The following NCK1 variants were observed in gnomAD, a reference collection of about 807,000 sequenced individuals.
NCK1 encodes the protein SH2/SH3 adapter protein NCK1.
A neutral mutation model predicts 36.6 loss-of-function variants in NCK1; 19 were observed. That is an observed-to-expected ratio of 0.52 (90% CI 0.36 to 0.76). The LOEUF is 0.76. Ranked by LOEUF, NCK1 falls within the 30% of genes least tolerant of loss-of-function variation. The pLI is 0.00. For missense variants in NCK1, 358 were observed against 445.6 expected (o/e 0.80, Z 1.77); for synonymous variants, 165 against 156.0 (o/e 1.06, Z -0.43).
rs1007197278 is a variant in NCK1, at chr3:136,945,793, G to T, written c.437G>T (p.Gly146Val). 2 of 1,613,994 alleles carry T rather than the reference G, an allele frequency of 1.2e-6. No homozygotes were observed. Among genetic ancestry groups the T allele is most frequent in the African/African-American group, 1.3e-5 (1 of 74,918 alleles). ...AAATGCAGTGATGGGTGGTGGCGTG[G>T]TAGCTACAATGGACAAGTTGGATGG... The part of the protein sequence containing the change: ...MEKCSDGWWR[G>V]SYNGQVGWFP... The change falls in exon 3 of 4, where the codon GGT becomes GTT. Residue 146 changes from glycine to valine, a missense_variant. Physicochemically the swap from Gly to Val is moderately radical, Grantham distance 109. This residue lies in a region of NCK1 where 8 missense variants were observed against 29.8 expected (regional missense o/e 0.27). Coordinates refer to ENST00000481752, the MANE Select transcript of NCK1 (RefSeq NM_001291999.2).
chr3:136,886,954 A>G (rs1939089988), intron 1 of NCK1, among the ~76,000 whole-genome samples: 1 of 151,130 alleles, frequency 6.6e-6, no homozygotes, highest in Admixed American at 6.6e-5. Context: ...AGCGATTCTT[A>G]TGCCTCAGCC....
chr3:136,899,158 A>C (rs1184445610), intron 1 of NCK1: 1 of 204,964 alleles, frequency 4.9e-6, no homozygotes, highest in Non-Finnish European at 1.0e-5. Context: ...CTTCATGGAC[A>C]CTCCTGCCAG....
intron 1 of NCK1, among the ~76,000 whole-genome samples, chr3:136,884,664 G>A (rs544822635): frequency 6.6e-6 from 1 of 150,868 alleles, no homozygotes; most frequent in Non-Finnish European, 1.5e-5. Context: ...TGGTCTTGAG[G>A]TGATCCTTCT....
chr3:136,900,445 T>G (rs901254539), intron 1 of NCK1, among the ~76,000 whole-genome samples: 5 of 152,188 alleles, frequency 3.3e-5, no homozygotes, highest in African/African-American at 4.8e-5. Flanking sequence ...TAAGATTGCT[T>G]CTTCTATTTC....
At chr3:136,882,218 A>G (rs1367349453) in intron 1 of NCK1, among the ~76,000 whole-genome samples, 1 of 152,122 alleles carries the variant, frequency 6.6e-6, no homozygotes, top group African/African-American at 2.4e-5. Context: ...AATAGTAGCT[A>G]TCTTAATGGT....
intron 1 of NCK1, among the ~76,000 whole-genome samples, chr3:136,918,399 C>T (rs138967788): frequency 7.2e-4 from 110 of 152,204 alleles, no homozygotes; most frequent in African/African-American, 2.6e-3. Context: ...AGTGAAACAA[C>T]TATTCACATT....
intron 2 of NCK1, among the ~76,000 whole-genome samples, chr3:136,936,350 A>G (rs1366016389): frequency 6.6e-6 from 1 of 152,132 alleles, no homozygotes; most frequent in Non-Finnish European, 1.5e-5. Context: ...TGGCTGAATA[A>G]CTATTATATG....
chr3:136,938,650 T>A (rs1269504524), intron 2 of NCK1, among the ~76,000 whole-genome samples: 2 of 152,182 alleles, frequency 1.3e-5, no homozygotes, highest in Non-Finnish European at 2.9e-5. Context: ...GGAAAAAATG[T>A]GTGTTAGATA....
At chr3:136,923,514 C>A in intron 1 of NCK1, among the ~76,000 whole-genome samples, 1 of 151,866 alleles carries the variant, frequency 6.6e-6, no homozygotes, top group African/African-American at 2.4e-5. Context: ...AGGGTCGCTC[C>A]ACTGCACTCC....
chr3:136,948,509 CTG>C lies in NCK1; in HGVS notation c.*57_*58del. 2.0e-6 allele frequency: 3 copies of C among 1,485,638 alleles called. No homozygotes were observed. The highest frequency in any genetic ancestry group is 2.8e-6 in the Non-Finnish European group (3 of 1,085,888). 92.0% of individuals were successfully genotyped at this position (1,485,638 alleles called of 1,614,324 possible). A position where few individuals can be genotyped will look rare whatever the true frequency, so the allele number is the denominator to read the frequency against. ...CTGTAATTTGTCATGTAATTGAAGA[CTG>C]AGAAAATGTTGGGTCCAGTCGTGCT... On this transcript the variant is annotated 3_prime_UTR_variant, in exon 4 of 4. Transcript: ENST00000481752.
intron 2 of NCK1, among the ~76,000 whole-genome samples, chr3:136,933,818 C>T (rs1157192501): frequency 6.6e-6 from 1 of 152,112 alleles, no homozygotes; most frequent in African/African-American, 2.4e-5. Context: ...GATTCTCGTC[C>T]CTCAGCCTCC....
chr3:136,944,112 C>CTTTTTTTTTTTTTT (rs72327296), intron 2 of NCK1, among the ~76,000 whole-genome samples: 1 of 43,780 alleles, frequency 2.3e-5, no homozygotes, highest in African/African-American at 6.1e-5. Flanking sequence ...GAAAAACAAC[C>CTTTTTTTTTTTTTT]TTTTTTTTTT....
chr3:136,881,824 G>GT (rs1938946199), intron 1 of NCK1, among the ~76,000 whole-genome samples: 2 of 152,256 alleles, frequency 1.3e-5, no homozygotes, highest in African/African-American at 2.4e-5. Context: ...ATGTCTTGAA[G>GT]GTTCATCCGT....
intron 2 of NCK1, among the ~76,000 whole-genome samples, chr3:136,936,371 A>G (rs1290119554): frequency 6.6e-6 from 1 of 152,082 alleles, no homozygotes; most frequent in East Asian, 1.9e-4. Flanking sequence ...TATATATCAC[A>G]TTTTGTTTAT....
intron 1 of NCK1, among the ~76,000 whole-genome samples, chr3:136,874,923 A>G (rs959578412): frequency 1.5e-4 from 23 of 152,238 alleles, no homozygotes; most frequent in African/African-American, 5.3e-4. Context: ...CATCCTTTTG[A>G]GAAGTCTGAA....
intron 1 of NCK1, among the ~76,000 whole-genome samples, chr3:136,893,325 T>C (rs1347299929): frequency 2.2e-5 from 3 of 137,114 alleles, no homozygotes; most frequent in Non-Finnish European, 4.7e-5. Flanking sequence ...TATTTTTTGA[T>C]TTTTTGATTG....
intron 1 of NCK1, among the ~76,000 whole-genome samples, chr3:136,874,699 G>A (rs1434403915): frequency 2.6e-5 from 4 of 151,888 alleles, no homozygotes; most frequent in African/African-American, 7.3e-5. Flanking sequence ...CCCTTTCCAT[G>A]AATCATATAG....
At chr3:136,941,387 C>T (rs1940673337) in intron 2 of NCK1, among the ~76,000 whole-genome samples, 1 of 152,026 alleles carries the variant, frequency 6.6e-6, no homozygotes, top group African/African-American at 2.4e-5. Flanking sequence ...ACCTTGGCCT[C>T]CCAAAGTGCT....
At chr3:136,867,514 G>A (rs1938486206) in intron 1 of NCK1, 1 of 147,352 alleles carries the variant, frequency 6.8e-6, no homozygotes, top group African/African-American at 2.5e-5. Flanking sequence ...TCAACGTGCT[G>A]GGATTATAGG....
Sources: gnomAD v4.1 joint callset for allele counts (sites outside exome capture counted in the v4.1 genomes callset) on GRCh38, gnomAD v4.1.1 for gene constraint, gnomAD v4.1.1 regional missense constraint, MANE v1.5 for transcripts, NCBI Gene and HGNC (gene_info 2026-07-23, HGNC 2026-07-21) for gene names.